Variants in SLC38A11 observed in about 807,000 individuals in gnomAD.
SLC38A11 encodes putative sodium-coupled neutral amino acid transporter 11.
Under a neutral mutation model 49.4 loss-of-function variants are expected in SLC38A11, and 51 were observed. That is an observed-to-expected ratio of 1.03 (90% CI 0.83 to 1.30). SLC38A11 has a LOEUF of 1.30. Ranked by LOEUF, SLC38A11 falls within the 50% of genes most tolerant of loss-of-function variation. The pLI is 0.00. For missense variants in SLC38A11, 574 were observed against 556.2 expected, an observed-to-expected ratio of 1.03 and a Z score of -0.32; for synonymous variants, 203 against 192.9, an observed-to-expected ratio of 1.05 and a Z score of -0.43.
intron 7 of SLC38A11, among the ~76,000 whole-genome samples, chr2:164,933,152 T>C (rs1168207695): frequency 6.6e-6 from 1 of 152,078 alleles, no homozygotes; most frequent in Non-Finnish European, 1.5e-5. Flanking sequence ...AAAGATGTCA[T>C]ATGAGGGGAA....
chr2:164,900,105 T>C (rs962619519), intron 11 of SLC38A11, among the ~76,000 whole-genome samples: 3 of 152,114 alleles, frequency 2.0e-5, no homozygotes, highest in African/African-American at 4.8e-5. Flanking sequence ...GGTCTATCCA[T>C]GTTGTGGCTA....
At chr2:164,940,904 A>T (rs1687722472) in intron 5 of SLC38A11, among the ~76,000 whole-genome samples, 1 of 152,018 alleles carries the variant, frequency 6.6e-6, no homozygotes, top group South Asian at 2.1e-4. Context: ...TCAATTCCAA[A>T]ATCCATGCAC....
chr2:164,901,735 T>G (rs1341527005), intron 11 of SLC38A11, among the ~76,000 whole-genome samples: 1 of 152,192 alleles, frequency 6.6e-6, no homozygotes, highest in Non-Finnish European at 1.5e-5. Context: ...CCAATTTGGA[T>G]GCCTTTTATT....
rs866063331 is a variant in SLC38A11, at chr2:164,937,403, T to C, written c.564A>G (p.Thr188=). The C allele has an allele frequency of 1.2e-6, 2 of 1,611,272 alleles. No individual in the cohort carries two copies. The highest frequency in any genetic ancestry group is 3.3e-4 in the Middle Eastern group (2 of 6,048). ...CCATTACAATTCCAAGAATCAGAGT[T>C]GTTAAACCTGTAGAGATGAGGGAGA... The part of the protein sequence containing the change: ...GKVSLISTGL[T]TLILGIVMAR... Residue 188 remains threonine (T), a synonymous_variant, in exon 7 of 12, where the codon ACA becomes ACG. Coordinates refer to ENST00000685975, the MANE Select transcript of SLC38A11 (RefSeq NM_001351537.2).
At chr2:164,949,366 A>G (rs2105517349) in intron 3 of SLC38A11, among the ~76,000 whole-genome samples, 2 of 152,236 alleles carry the variant, frequency 1.3e-5, no homozygotes, top group East Asian at 3.9e-4. Flanking sequence ...CTCCTGCCTC[A>G]GCCGCTTCAG....
At chr2:164,915,437 T>G in intron 8 of SLC38A11, 164 bp from the exon 9 acceptor site, 1 of 619,616 alleles carries the variant, frequency 1.6e-6, no homozygotes, top group East Asian at 2.9e-5. Flanking sequence ...GTTCTAGAAA[T>G]GAGACCATTC....
At position 164,898,327 on chromosome 2, in the gene SLC38A11, G is replaced by C; in HGVS notation, c.*110C>G. ...GCACTACTCATAAAAGCCAAGTCTT[G>C]ATAAAAGCCAAAATAATAATTTTAT... is the stretch of plus-strand genomic sequence containing the variant. On this transcript the variant is annotated 3_prime_UTR_variant, in exon 12 of 12. Transcript: ENST00000685975. 4.7e-6 allele frequency: 4 copies of C among 859,878 alleles called. No individual in the cohort carries two copies. Among genetic ancestry groups the C allele is most frequent in the Non-Finnish European group, 5.3e-6 (3 of 571,300 alleles). 53.3% of individuals were successfully genotyped at this position (859,878 alleles called of 1,614,324 possible). A position where few individuals can be genotyped will look rare whatever the true frequency, so the allele number is the denominator to read the frequency against.
chr2:164,930,588 AG>A (rs1686930288), intron 7 of SLC38A11, among the ~76,000 whole-genome samples: 1 of 152,196 alleles, frequency 6.6e-6, no homozygotes, highest in African/African-American at 2.4e-5. Flanking sequence ...CTGGGATGCA[AG>A]GTTGGTTCAA....
At chr2:164,950,528 TA>T (rs1688451338) in intron 3 of SLC38A11, among the ~76,000 whole-genome samples, 1 of 152,202 alleles carries the variant, frequency 6.6e-6, no homozygotes, top group Non-Finnish European at 1.5e-5. Context: ...TTAATCACTA[TA>T]ATATTTTGAT....
chr2:164,907,827 A>T (rs1685122555), intron 11 of SLC38A11: 1 of 152,226 alleles, frequency 6.6e-6, no homozygotes, highest in Non-Finnish European at 1.5e-5. Context: ...TAATGGAAAG[A>T]ATTGATATGG....
chr2:164,934,716 C>G (rs2105492273), intron 7 of SLC38A11, among the ~76,000 whole-genome samples: 1 of 152,196 alleles, frequency 6.6e-6, no homozygotes, highest in Admixed American at 6.5e-5. Context: ...TCCCTGTAAA[C>G]ACTTTTTATA....
At chr2:164,923,678 T>A (rs950275612) in intron 7 of SLC38A11, among the ~76,000 whole-genome samples, 1 of 151,944 alleles carries the variant, frequency 6.6e-6, no homozygotes, top group Non-Finnish European at 1.5e-5. Context: ...ACACCTGTAG[T>A]CCCAGTTACT....
At chr2:164,950,294 A>T (rs1262027136) in intron 3 of SLC38A11, among the ~76,000 whole-genome samples, 1 of 152,190 alleles carries the variant, frequency 6.6e-6, no homozygotes, top group East Asian at 1.9e-4. Context: ...TTATATACTT[A>T]TGTCACAGAG....
rs1050766197 is a variant in SLC38A11, at chr2:164,895,361, C to T, written c.*3076G>A. ...TTAGTAAAGCATTCATGGGTACCCT[C>T]ACTGATGGGTGACCTCATGGTCACT... On this transcript the variant is annotated 3_prime_UTR_variant, in exon 12 of 12. Coordinates refer to ENST00000685975, the MANE Select transcript of SLC38A11 (RefSeq NM_001351537.2). 6.6e-6 allele frequency among the ~76,000 whole-genome samples: 1 copy of T among 152,154 alleles called. No individual in the cohort carries two copies. The highest frequency in any genetic ancestry group is 2.4e-5 in the African/African-American group (1 of 41,444).
intron 7 of SLC38A11, among the ~76,000 whole-genome samples, chr2:164,925,830 C>G (rs1315395522): frequency 6.6e-6 from 1 of 152,122 alleles, no homozygotes; most frequent in African/African-American, 2.4e-5. Flanking sequence ...AGAAGAGTGA[C>G]TTACCCAGTA....
At chr2:164,922,746 G>A (rs1332509576) in intron 7 of SLC38A11, among the ~76,000 whole-genome samples, 1 of 152,110 alleles carries the variant, frequency 6.6e-6, no homozygotes, top group Non-Finnish European at 1.5e-5. Flanking sequence ...CGTATGGAAT[G>A]AGAAAAGCCC....
Position 164,945,624 on chromosome 2 carries a change from G to T in SLC38A11, c.333C>A (p.Leu111=). The T allele has an allele frequency of 6.2e-7, 1 of 1,608,054 alleles. No homozygotes were observed. The stretch of plus-strand genomic sequence containing the variant: ...AAGGATACAAAAACTGAAGAACAGA[G>T]AGGAGCAGATACCCTGGAAAGCCGA... ...KTFGFPGYLL[L]SVLQFLYPFI... is the part of the protein sequence containing the mutation. Residue 111 remains leucine (L), a synonymous_variant, in exon 4 of 12, where the codon CTC becomes CTA. Transcript: ENST00000685975.
intron 5 of SLC38A11, among the ~76,000 whole-genome samples, chr2:164,940,968 C>T (rs1239273818): frequency 6.6e-6 from 1 of 151,944 alleles, no homozygotes; most frequent in Non-Finnish European, 1.5e-5. Context: ...ATTTGTGTAT[C>T]TATTTCTATT....
Position 164,935,226 on chromosome 2 carries a change from G to A in SLC38A11, c.617+2124C>T, listed in dbSNP as rs150509717. On this transcript the variant is annotated intron_variant, in intron 7 of 11. Coordinates refer to ENST00000685975, the MANE Select transcript of SLC38A11 (RefSeq NM_001351537.2). ...AAGCCCTTTGTCCATTGTTGATTGTGAATAATTGGCAGCAGGTGCTAATTC... is the reference window on the plus strand; with the variant it reads ...AAGCCCTTTGTCCATTGTTGATTGTAAATAATTGGCAGCAGGTGCTAATTC... Among the ~76,000 whole-genome samples the A allele has an allele frequency of 8.0e-4, 120 of 150,416 alleles. 2 individuals carry two copies. The East Asian group carries it at 0.022, about 28-fold the overall frequency.
Sources: gnomAD v4.1 joint callset for allele counts (sites outside exome capture counted in the v4.1 genomes callset) on GRCh38, gnomAD v4.1.1 for gene constraint, MANE v1.5 for transcripts, NCBI Gene and HGNC (gene_info 2026-07-23, HGNC 2026-07-21) for gene names.